LINGO2: variants seen among roughly 807,000 people sequenced by gnomAD.
LINGO2 encodes leucine rich repeat and Ig domain containing 2, also known as leucine-rich repeat and immunoglobulin-like domain-containing nogo receptor-interacting protein 2.
Under a neutral mutation model 30.6 loss-of-function variants are expected in LINGO2, and 14 were observed. The observed-to-expected ratio is 0.46, with a 90% CI of 0.30 to 0.72. The LOEUF (loss-of-function observed/expected upper bound fraction) is 0.72. LINGO2 is among the 30% of genes least tolerant of loss of function. The pLI, the probability that LINGO2 is intolerant of heterozygous loss-of-function variation, is 0.07. For missense variants in LINGO2, 729 were observed against 751.7 expected (o/e 0.97, Z 0.35); for synonymous variants, 317 against 288.5 (o/e 1.10, Z -1.00).
chr9:28,008,453 C>G (rs549949621), intron 5 of LINGO2, among the ~76,000 whole-genome samples: 22 of 150,406 alleles, frequency 1.5e-4, no homozygotes, highest in African/African-American at 5.3e-4. Flanking sequence ...TTCACCATTG[C>G]ACTGAAGATT....
At chr9:29,210,754 A>G in the LINGO2 span, among the ~76,000 whole-genome samples, 57 of 152,314 alleles carry the variant, frequency 3.7e-4, no homozygotes, top group South Asian at 0.011. Flanking sequence ...GATGCCTTAC[A>G]TAACTAAACC....
At chr9:28,729,690 G>A in the LINGO2 span, among the ~76,000 whole-genome samples, 7 of 151,590 alleles carry the variant, frequency 4.6e-5, no homozygotes, top group African/African-American at 1.7e-4. Flanking sequence ...AAGATAAACA[G>A]AAGGAAATCA....
intron 1 of LINGO2, among the ~76,000 whole-genome samples, chr9:28,496,112 G>T (rs1819615713): frequency 6.7e-6 from 1 of 148,694 alleles, no homozygotes; most frequent in African/African-American, 2.5e-5. Context: ...AGTGTGATGT[G>T]GTTCTGAGAA....
the LINGO2 span, among the ~76,000 whole-genome samples, chr9:29,164,009 C>A: frequency 6.6e-6 from 1 of 151,766 alleles, no homozygotes; most frequent in Non-Finnish European, 1.5e-5. Context: ...GTCACAAAAA[C>A]ACCATACACT....
the LINGO2 span, among the ~76,000 whole-genome samples, chr9:28,868,522 G>A: frequency 1.3e-5 from 2 of 152,072 alleles, no homozygotes; most frequent in African/African-American, 4.8e-5. Context: ...TGTCATCTGA[G>A]AGATAACTCA....
intron 1 of LINGO2, among the ~76,000 whole-genome samples, chr9:28,642,630 T>C (rs1827646472): frequency 6.6e-6 from 1 of 152,146 alleles, no homozygotes; most frequent in Non-Finnish European, 1.5e-5. Flanking sequence ...ACCTTAATTC[T>C]GTTATCACAA....
At chr9:28,403,579 C>T (rs1477532797) in intron 2 of LINGO2, among the ~76,000 whole-genome samples, 1 of 151,766 alleles carries the variant, frequency 6.6e-6, no homozygotes, top group South Asian at 2.1e-4. Context: ...CTAAACTTAT[C>T]GAGGCCCTAC....
At chr9:27,946,014 T>C (rs1823351283), downstream of LINGO2, among the ~76,000 whole-genome samples, 2 of 152,148 alleles carry the variant, frequency 1.3e-5, no homozygotes, top group Admixed American at 6.6e-5. Context: ...TTTACTCTTA[T>C]TGGAAACATT....
At chr9:28,782,993 G>T in the LINGO2 span, among the ~76,000 whole-genome samples, 1 of 152,046 alleles carries the variant, frequency 6.6e-6, no homozygotes, top group Admixed American at 6.5e-5. Flanking sequence ...GTAACACAAT[G>T]GTAAGGATTA....
chr9:27,938,193 G>A, the LINGO2 span: 5 of 152,128 alleles, frequency 3.3e-5, no homozygotes, highest in African/African-American at 9.7e-5. Flanking sequence ...GTGTCGTTAC[G>A]AATTTTGTAA....
the LINGO2 span, among the ~76,000 whole-genome samples, chr9:28,869,289 T>A: frequency 6.6e-6 from 1 of 151,998 alleles, no homozygotes; most frequent in South Asian, 2.1e-4. Context: ...AGTACAGCCA[T>A]AACTGTAATG....
chr9:28,068,896 T>C (rs1332266023), intron 4 of LINGO2, among the ~76,000 whole-genome samples: 1 of 152,158 alleles, frequency 6.6e-6, no homozygotes, highest in Non-Finnish European at 1.5e-5. Flanking sequence ...ACCATGTGCT[T>C]ACTATAATCA....
chr9:28,373,148 A>C (rs530820308), intron 2 of LINGO2, among the ~76,000 whole-genome samples: 244 of 152,324 alleles, frequency 1.6e-3, no homozygotes, highest in African/African-American at 5.6e-3. Flanking sequence ...GTAAAAATGC[A>C]GAGGGGATGT....
At chr9:28,204,926 G>C (rs528619980) in intron 4 of LINGO2, among the ~76,000 whole-genome samples, 11 of 152,172 alleles carry the variant, frequency 7.2e-5, no homozygotes, top group African/African-American at 2.4e-4. Context: ...CAAAACCAGG[G>C]ACCAGTCAAA....
chr9:28,358,190 AT>A (rs1462003431), intron 3 of LINGO2, among the ~76,000 whole-genome samples: 3 of 152,226 alleles, frequency 2.0e-5, no homozygotes, highest in African/African-American at 7.2e-5. Flanking sequence ...ATTTTAATTG[AT>A]TTACTTTAAT....
At chr9:28,035,672 T>C (rs1823896987) in intron 4 of LINGO2, among the ~76,000 whole-genome samples, 1 of 152,234 alleles carries the variant, frequency 6.6e-6, no homozygotes, top group African/African-American at 2.4e-5. Context: ...TTTAAAATTC[T>C]ATGAATGTCT....
intron 2 of LINGO2, among the ~76,000 whole-genome samples, chr9:28,443,632 A>G (rs1824287075): frequency 6.6e-6 from 1 of 152,152 alleles, no homozygotes; most frequent in South Asian, 2.1e-4. Context: ...GCCAGGTGTG[A>G]GCACTCTTGG....
chr9:29,087,536 G>C, the LINGO2 span, among the ~76,000 whole-genome samples: 1 of 152,128 alleles, frequency 6.6e-6, no homozygotes, highest in Non-Finnish European at 1.5e-5. Context: ...GGCTTTACTG[G>C]ATTCTAAAGC....
At chr9:28,994,953 G>C in the LINGO2 span, among the ~76,000 whole-genome samples, 2 of 152,062 alleles carry the variant, frequency 1.3e-5, no homozygotes, top group African/African-American at 4.8e-5. Context: ...CAGGACATAG[G>C]CATGGGCAAG....
Sources: allele counts gnomAD v4.1 joint callset (sites outside exome capture counted in the v4.1 genomes callset), GRCh38; gene constraint gnomAD v4.1.1; transcripts MANE v1.5; gene names NCBI Gene and HGNC (gene_info 2026-07-23, HGNC 2026-07-21).